PEX10: variants seen among roughly 807,000 people sequenced by gnomAD.
PEX10 encodes the protein peroxisomal biogenesis factor 10.
Under a neutral mutation model 38.0 loss-of-function variants are expected in PEX10, and 32 were observed. The ratio of observed to expected loss-of-function variants is 0.84; its 90% confidence interval spans 0.63 to 1.13. The LOEUF (loss-of-function observed/expected upper bound fraction) is 1.13, where lower values mean the gene tolerates loss of function less well. PEX10 is among the 50% of genes most tolerant of loss of function. The probability of loss-of-function intolerance (pLI) is 0.00; values close to 1 mark genes in which losing one functional copy is unlikely to be tolerated. For missense variants in PEX10, 483 were observed against 457.7 expected (o/e 1.06, Z -0.51); for synonymous variants, 206 against 207.3 (o/e 0.99, Z 0.05).
In PEX10 at chr1:2,406,493, G is replaced by A. The variant is rs1447625926; in HGVS notation, c.903C>T (p.Cys301=). 1 of 1,612,160 alleles carries A rather than the reference G, an allele frequency of 6.2e-7. No individual in the cohort carries two copies. Among genetic ancestry groups the A allele is most frequent in the Non-Finnish European group, 8.5e-7 (1 of 1,179,984 alleles). ...CAGGCTCCCACCTCACCTTGCTGCT[G>A]CACCACGCGGTGATGCACTCCCAGC... ...LFCWECITAW[C]SSKAECPLCR... Residue 301 remains cysteine (C), a synonymous_variant, in exon 5 of 6, where the codon TGC becomes TGT. Coordinates refer to ENST00000447513, the MANE Select transcript of PEX10 (RefSeq NM_002617.4).
At position 2,406,610 on chromosome 1, in the gene PEX10, C is replaced by T. The variant is rs544734638; in HGVS notation, c.786G>A (p.Leu262=). ...HRGLSHRRAS[L]EERAVSRNPL... ...GGTTTCTGGAAACGGCTCTCTCCTCCAAGGAGGCCCTGGGGAAGGTGGGGC... is the reference window on the plus strand; with the variant it reads ...GGTTTCTGGAAACGGCTCTCTCCTCTAAGGAGGCCCTGGGGAAGGTGGGGC... The change falls in exon 5 of 6, where the codon TTG becomes TTA. Residue 262 remains leucine (L), a synonymous_variant. Transcript: ENST00000447513. 1 of 1,613,350 alleles carries T rather than the reference C, an allele frequency of 6.2e-7. No homozygotes were observed. The highest frequency in any genetic ancestry group is 1.1e-5 in the South Asian group (1 of 91,084).
At chr1:2,413,818 G>T (rs1038281217), upstream of PEX10, 3 of 152,326 alleles carry the variant, frequency 2.0e-5, no homozygotes, top group Non-Finnish European at 4.4e-5. Flanking sequence ...GACTGGCACA[G>T]CCCAGTCACA....
chr1:2,412,821 TCGCGG>T (rs1643311650), upstream of PEX10, among the ~76,000 whole-genome samples: 1 of 152,028 alleles, frequency 6.6e-6, no homozygotes, highest in Admixed American at 6.6e-5. Flanking sequence ...CGGGATGGGC[TCGCGG>T]CCGCGTGGTT....
rs553002321 is a variant in PEX10 at position 2,407,298 on chromosome 1, A to G, written c.601-403T>C. On this transcript the variant is annotated intron_variant, in intron 3 of 5. Coordinates refer to ENST00000447513, the MANE Select transcript of PEX10 (RefSeq NM_002617.4). ...GACCGAAGCCCCAGTGTAACAAGGC[A>G]CGTGGCCCCAGGGACACTGCTGCCA... Among the ~76,000 whole-genome samples, 29 of 152,336 alleles carry G rather than the reference A, an allele frequency of 1.9e-4. No homozygotes were observed. The South Asian group carries it at 4.4e-3, about 23-fold the overall frequency.
rs12092052 is a variant in PEX10 at position 2,409,065 on chromosome 1, C to A, written c.194-207G>T. 6.6e-6 allele frequency among the ~76,000 whole-genome samples: 1 copy of A among 151,948 alleles called. No individual in the cohort carries two copies. The highest frequency in any genetic ancestry group is 6.5e-5 in the Admixed American group (1 of 15,272). ...GAGCTCAGGCAGCACATGACAGGCC[C>A]GGCCAATGGCTGCCCTTGGCTCCCA... On this transcript the variant is annotated intron_variant, in intron 2 of 5. Coordinates refer to ENST00000447513, the MANE Select transcript of PEX10 (RefSeq NM_002617.4). The surrounding 1 kb of genome is among the most constrained non-coding windows in gnomAD (Gnocchi z 6.2).
At chr1:2,412,847 C>T (rs1458812177), upstream of PEX10, among the ~76,000 whole-genome samples, 8 of 152,144 alleles carry the variant, frequency 5.3e-5, no homozygotes, top group Admixed American at 3.9e-4. Flanking sequence ...GCTGCGACCT[C>T]GGGGTCCTAC....
At position 2,412,468 on chromosome 1, in the gene PEX10, A is replaced by G; in HGVS notation, c.35T>C (p.Ile12Thr). ...APAAASPPEVIRAAQKDEYYR... is the reference protein window; with the variant it reads ...APAAASPPEVTRAAQKDEYYR... ...GTACTCGTCCTTCTGCGCCGCGCGG[A>G]TCACCTCCGGGGGGCTGGCGGCGGC... Residue 12 changes from isoleucine to threonine, a missense_variant, in exon 1 of 6, where the codon ATC (isoleucine) becomes ACC (threonine). Transcript: ENST00000447513. The G allele has an allele frequency of 1.4e-6, 2 of 1,416,722 alleles. No homozygotes were observed. Among genetic ancestry groups the G allele is most frequent in the Non-Finnish European group, 1.8e-6 (2 of 1,088,882 alleles). 87.8% of individuals were successfully genotyped at this position (1,416,722 alleles called of 1,614,324 possible). A position where few individuals can be genotyped will look rare whatever the true frequency, so the allele number is the denominator to read the frequency against.
rs886046143 is a variant in PEX10, at chr1:2,405,267, C to T, written c.*499G>A. On this transcript the variant is annotated 3_prime_UTR_variant, in exon 6 of 6. Coordinates refer to ENST00000447513, the MANE Select transcript of PEX10 (RefSeq NM_002617.4). ...CAGCCGCCCTCGGGGAGAGCAGCGC[C>T]GCCTCCCATGGGGCCGTGGGGCTGC... The T allele has an allele frequency of 5.3e-5, 15 of 283,494 alleles. No homozygotes were observed. Among genetic ancestry groups the T allele is most frequent in the South Asian group, 1.7e-4 (5 of 30,002 alleles). 17.6% of individuals were successfully genotyped at this position (283,494 alleles called of 1,614,324 possible).
At chr1:2,411,230 CT>C (rs140273455) in intron 1 of PEX10, among the ~76,000 whole-genome samples, 5,667 of 114,028 alleles carry the variant, frequency 0.05, 58 homozygotes, top group African/African-American at 0.11. Context: ...ATGGCTTTGC[CT>C]TTTTTTTTTT....
intron 1 of PEX10, among the ~76,000 whole-genome samples, chr1:2,411,230 CTTT>C (rs140273455): frequency 3.5e-5 from 4 of 114,018 alleles, no homozygotes; most frequent in Admixed American, 9.8e-5. Flanking sequence ...ATGGCTTTGC[CTTT>C]TTTTTTTTTT....
Position 2,405,494 on chromosome 1 carries a change from G to C in PEX10, c.*272C>G. On this transcript the variant is annotated 3_prime_UTR_variant, in exon 6 of 6. Transcript: ENST00000447513. ...GGAAGGGAGGGAAACCTAAAATCCCGTCCAAATAAGTGAAATTCCTGAAGA... is the reference window on the plus strand; with the variant it reads ...GGAAGGGAGGGAAACCTAAAATCCCCTCCAAATAAGTGAAATTCCTGAAGA... 1.7e-6 allele frequency: 1 copy of C among 578,924 alleles called. No homozygotes were observed. Among genetic ancestry groups the C allele is most frequent in the Non-Finnish European group, 3.1e-6 (1 of 319,372 alleles). 35.9% of individuals were successfully genotyped at this position (578,924 alleles called of 1,614,324 possible).
intron 3 of PEX10, 93 bp from the exon 4 acceptor site, chr1:2,406,988 C>T (rs1013424556): frequency 2.6e-6 from 4 of 1,514,910 alleles, no homozygotes; most frequent in Non-Finnish European, 3.6e-6. Flanking sequence ...TGGCACAGAG[C>T]ACGTTAGAAC....
chr1:2,407,880 G>A (rs1030752440), intron 3 of PEX10, among the ~76,000 whole-genome samples: 25 of 152,150 alleles, frequency 1.6e-4, no homozygotes, highest in Non-Finnish European at 3.1e-4. Context: ...ACATGGTGGT[G>A]GGACCACGGG....
chr1:2,413,084 C>G (rs530469357), upstream of PEX10, among the ~76,000 whole-genome samples: 77 of 152,340 alleles, frequency 5.1e-4, no homozygotes, highest in Non-Finnish European at 8.4e-4. Context: ...TCCGGGGAGC[C>G]GGTCGGTTTG....
upstream of PEX10, chr1:2,412,614 C>G (rs998315507): frequency 5.7e-6 from 5 of 879,646 alleles, no homozygotes; most frequent in Non-Finnish European, 7.5e-6. Context: ...ACCTCTGCGT[C>G]AAGGTGCTGG....
chr1:2,405,767 C>T lies in PEX10; in HGVS notation c.980G>A (p.Ter327=), dbSNP rs1432462972. The T allele has an allele frequency of 1.9e-6, 3 of 1,601,124 alleles. No individual in the cohort carries two copies. The highest frequency in any genetic ancestry group is 2.7e-5 in the African/African-American group (2 of 74,632). The change falls in exon 6 of 6, where the codon TGA becomes TAA. Residue 327 remains the stop codon, a stop_retained_variant. Transcript: ENST00000447513. ...GTCCAGGCCCACCCGGGCGCCGGCT[C>T]AGCGGTAGTGCCGAAGGTAGATGAG... The part of the protein sequence containing the change: ...QKLIYLRHYR[*]
chr1:2,408,567 C>T lies in PEX10; in HGVS notation c.485G>A (p.Arg162Gln), dbSNP rs756297578. The stretch of plus-strand genomic sequence containing the variant: ...GCCCTGTCTGAGGACGAAGACCGCC[C>T]GCAGCAGCGCCCTCCTCTGCTGCTC... ...LTEQQRRALL[R>Q]AVFVLRQGLA... Residue 162 changes from arginine (R) to glutamine (Q), a missense_variant, in exon 3 of 6, where the codon CGG becomes CAG. Arg to Gln is a conservative substitution (Grantham distance 43, BLOSUM62 1). Coordinates refer to ENST00000447513, the MANE Select transcript of PEX10 (RefSeq NM_002617.4). 43 of 1,612,082 alleles carry T rather than the reference C, an allele frequency of 2.7e-5. No homozygotes were observed. In the East Asian group the frequency reaches 4.7e-4, roughly 18 times the overall value.
upstream of PEX10, among the ~76,000 whole-genome samples, chr1:2,413,184 C>G (rs1643337837): frequency 6.6e-6 from 1 of 152,232 alleles, no homozygotes; most frequent in African/African-American, 2.4e-5. Flanking sequence ...AGCACACGGC[C>G]GGCTTGGTGT....
chr1:2,413,384 C>G (rs922224832), upstream of PEX10, among the ~76,000 whole-genome samples: 2 of 152,214 alleles, frequency 1.3e-5, no homozygotes, highest in African/African-American at 4.8e-5. Flanking sequence ...TCCCAGGGGA[C>G]GAGCGGAGGG....
Sources: allele counts gnomAD v4.1 joint callset (sites outside exome capture counted in the v4.1 genomes callset), GRCh38; gene constraint gnomAD v4.1.1; non-coding constraint Gnocchi (gnomAD v3.1); transcripts MANE v1.5; gene names NCBI Gene and HGNC (gene_info 2026-07-23, HGNC 2026-07-21).